Variants in BRINP2 observed in about 807,000 individuals in gnomAD.
The protein encoded by BRINP2 is BMP/retinoic acid inducible neural specific 2, also known as BMP/retinoic acid-inducible neural-specific protein 2.
In BRINP2, 21 loss-of-function variants were observed where a neutral mutation model predicts 69.2. The ratio of observed to expected loss-of-function variants is 0.30; its 90% CI spans 0.22 to 0.44. The LOEUF (loss-of-function observed/expected upper bound fraction) is 0.44. Ranked by LOEUF, BRINP2 falls within the 20% of genes least tolerant of loss-of-function variation. The pLI, the probability that BRINP2 is intolerant of heterozygous loss-of-function variation, is 1.00. For synonymous variants in BRINP2, 380 were observed against 394.1 expected, an observed-to-expected ratio of 0.96 and a Z score of 0.42; for missense variants, 877 against 986.0, an observed-to-expected ratio of 0.89 and a Z score of 1.48.
chr1:177,241,035 G>C (rs1571923995), intron 2 of BRINP2, among the ~76,000 whole-genome samples: 1 of 151,586 alleles, frequency 6.6e-6, no homozygotes. Context: ...ACAGTGGTGC[G>C]ATCTCAGCTC....
In BRINP2 at chr1:177,281,735, C is replaced by G. The variant is rs765534065; in HGVS notation, c.*207C>G. On this transcript the variant is annotated 3_prime_UTR_variant, in exon 8 of 8. Transcript: ENST00000361539. ...GCGCACGCATACACACACACACACACACACTGGCACAGGGAGGCTACAACT... is the reference window on the plus strand; with the variant it reads ...GCGCACGCATACACACACACACACAGACACTGGCACAGGGAGGCTACAACT... The G allele has an allele frequency of 1.5e-5, 8 of 526,000 alleles. No individual in the cohort carries two copies. The highest frequency in any genetic ancestry group is 2.6e-5 in the Non-Finnish European group (8 of 309,768). The allele number at this position is 526,000 out of a possible 1,614,324, so 32.6% of individuals were successfully genotyped here. A position where few individuals can be genotyped will look rare whatever the true frequency, so the allele number is the denominator to read the frequency against.
At position 177,281,175 on chromosome 1, in the gene BRINP2, G is replaced by A. The variant is rs757609460; in HGVS notation, c.1999G>A (p.Glu667Lys). 9 of 1,614,056 alleles carry A rather than the reference G, an allele frequency of 5.6e-6. No homozygotes were observed. In the East Asian group the frequency reaches 1.8e-4, roughly 32 times the overall value. Residue 667 changes from glutamate to lysine, a missense_variant, in exon 8 of 8, where the codon GAG (glutamate) becomes AAG (lysine). Transcript: ENST00000361539. ...SNETIYYEPLEMTDPSKNLGY... is the reference protein window; with the variant it reads ...SNETIYYEPLKMTDPSKNLGY... ...TGAGACAATCTACTATGAGCCCCTG[G>A]AGATGACTGATCCCTCTAAGAATTT...
At chr1:177,255,831 T>C in intron 2 of BRINP2, 88 bp from the exon 3 acceptor site, 3 of 1,351,042 alleles carry the variant, frequency 2.2e-6, no homozygotes, top group Non-Finnish European at 3.1e-6. Flanking sequence ...TGGCTGCAAG[T>C]GGAGGAAGAA....
intron 2 of BRINP2, among the ~76,000 whole-genome samples, chr1:177,238,499 G>A (rs1650099659): frequency 6.6e-6 from 1 of 152,206 alleles, no homozygotes; most frequent in Non-Finnish European, 1.5e-5. Flanking sequence ...ACCTCAGAGG[G>A]ACAGCTCTGC....
intron 1 of BRINP2, among the ~76,000 whole-genome samples, chr1:177,215,806 A>G (rs1649359756): frequency 6.6e-6 from 1 of 152,068 alleles, no homozygotes; most frequent in Admixed American, 6.6e-5. Flanking sequence ...TTTGCTTTAC[A>G]TATTTAGTGG....
chr1:177,182,542 A>G (rs758347520), intron 1 of BRINP2, among the ~76,000 whole-genome samples: 7 of 152,184 alleles, frequency 4.6e-5, no homozygotes, highest in African/African-American at 9.7e-5. Flanking sequence ...GCTCAAGCAG[A>G]ATTTCCCAAA....
intron 2 of BRINP2, among the ~76,000 whole-genome samples, chr1:177,251,370 A>G (rs1046147957): frequency 6.6e-6 from 1 of 152,256 alleles, no homozygotes; most frequent in Non-Finnish European, 1.5e-5. Flanking sequence ...TTTGTGTTAA[A>G]GGATACTAAA....
At chr1:177,275,617 C>T (rs1019711621) in intron 5 of BRINP2, among the ~76,000 whole-genome samples, 9 of 152,170 alleles carry the variant, frequency 5.9e-5, no homozygotes, top group Non-Finnish European at 1.3e-4. Context: ...AAAAAGTACT[C>T]AACATAGTAC....
At chr1:177,270,629 G>T (rs1220796155) in intron 4 of BRINP2, among the ~76,000 whole-genome samples, 2 of 152,218 alleles carry the variant, frequency 1.3e-5, no homozygotes, top group Non-Finnish European at 1.5e-5. Context: ...CCCACTTAAG[G>T]CTTGTTAGCT....
intron 2 of BRINP2, among the ~76,000 whole-genome samples, chr1:177,235,718 G>A (rs56011638): frequency 0.012 from 1,756 of 152,278 alleles, 36 homozygotes; most frequent in African/African-American, 0.038. Context: ...TAAATAAACA[G>A]CAACCAAAGA....
chr1:177,187,735 C>A (rs1290866423), intron 1 of BRINP2, among the ~76,000 whole-genome samples: 2 of 152,150 alleles, frequency 1.3e-5, no homozygotes, highest in East Asian at 3.9e-4. Flanking sequence ...AATGATATAG[C>A]AAGTAGTTAG....
chr1:177,180,492 G>A (rs1313995422), intron 1 of BRINP2, among the ~76,000 whole-genome samples: 1 of 152,232 alleles, frequency 6.6e-6, no homozygotes, highest in East Asian at 1.9e-4. Context: ...AAATAGCAGA[G>A]TTGAGCATCC....
chr1:177,246,914 A>G (rs1650405726), intron 2 of BRINP2, among the ~76,000 whole-genome samples: 1 of 152,244 alleles, frequency 6.6e-6, no homozygotes, highest in Admixed American at 6.5e-5. Flanking sequence ...TGTGTCTGGA[A>G]ATACTGCCTC....
rs145512527 is a variant in BRINP2 at position 177,281,963 on chromosome 1, C to T, written c.*435C>T. Reference sequence around the variant, plus strand: ...AGCTCTTCCTTCCCCTCTGTGGAGTCACTTTTGTATTCTTTTTAACCAGAT... The same window carrying T: ...AGCTCTTCCTTCCCCTCTGTGGAGTTACTTTTGTATTCTTTTTAACCAGAT... On this transcript the variant is annotated 3_prime_UTR_variant, in exon 8 of 8. Coordinates refer to ENST00000361539, the MANE Select transcript of BRINP2 (RefSeq NM_021165.4). The T allele has an allele frequency of 1.1e-3, 171 of 155,858 alleles. 1 individual carries two copies. The highest frequency in any genetic ancestry group is 3.4e-3 in the Middle Eastern group (1 of 298). 9.7% of individuals were successfully genotyped at this position (155,858 alleles called of 1,614,324 possible).
chr1:177,222,388 T>C (rs1649563252), intron 1 of BRINP2, among the ~76,000 whole-genome samples: 1 of 152,128 alleles, frequency 6.6e-6, no homozygotes, highest in Non-Finnish European at 1.5e-5. Context: ...CTGGGCTCAC[T>C]GCAACCTCCA....
At chr1:177,260,272 C>T (rs902998496) in intron 4 of BRINP2, among the ~76,000 whole-genome samples, 1 of 152,166 alleles carries the variant, frequency 6.6e-6, no homozygotes, top group Non-Finnish European at 1.5e-5. Context: ...GACTGAATTG[C>T]TGCAATCTTA....
In BRINP2 at chr1:177,256,099, C is replaced by T. The variant is rs573802574; in HGVS notation, c.450C>T (p.Ala150=). Reference sequence around the variant, plus strand: ...ACGGCACTCATTTCTTACTTTCTGCCACCCTTGGAGGTAAGCAACATCACA... The same window carrying T: ...ACGGCACTCATTTCTTACTTTCTGCTACCCTTGGAGGTAAGCAACATCACA... ...KKYGTHFLLS[A]TLGGEESLTI... The change falls in exon 3 of 8, where the codon GCC becomes GCT. Residue 150 remains alanine (A), a synonymous_variant. Coordinates refer to ENST00000361539, the MANE Select transcript of BRINP2 (RefSeq NM_021165.4). 4 of 1,613,938 alleles carry T rather than the reference C, an allele frequency of 2.5e-6. No individual in the cohort carries two copies. In the South Asian group the frequency reaches 4.4e-5, roughly 18 times the overall value.
chr1:177,264,154 A>G (rs986455584), intron 4 of BRINP2, among the ~76,000 whole-genome samples: 4 of 152,216 alleles, frequency 2.6e-5, no homozygotes, highest in African/African-American at 9.7e-5. Flanking sequence ...AAAGGTAGGC[A>G]TTGGGTCTAC....
chr1:177,260,488 G>A (rs1296345565), intron 4 of BRINP2, among the ~76,000 whole-genome samples: 1 of 152,144 alleles, frequency 6.6e-6, no homozygotes, highest in East Asian at 1.9e-4. Context: ...TTCTATTGTT[G>A]GTAAAATGCT....
Sources: gnomAD v4.1 joint callset for allele counts (sites outside exome capture counted in the v4.1 genomes callset) on GRCh38, gnomAD v4.1.1 for gene constraint, MANE v1.5 for transcripts, NCBI Gene and HGNC (gene_info 2026-07-23, HGNC 2026-07-21) for gene names.